The following IGF1R variants were observed in gnomAD, a reference collection of about 807,000 sequenced individuals.
The protein encoded by IGF1R is insulin-like growth factor 1 receptor.
In IGF1R, 44 loss-of-function variants were observed where a neutral mutation model predicts 144.6. The ratio of observed to expected loss-of-function variants is 0.30; its 90% CI spans 0.24 to 0.39. The LOEUF is 0.39. Ranked by LOEUF, IGF1R falls within the 10% of genes least tolerant of loss-of-function variation. The pLI is 1.00. For synonymous variants in IGF1R, 795 were observed against 722.8 expected (o/e 1.10, Z -1.60); for missense variants, 1,355 against 1,833.7 (o/e 0.74, Z 4.77).
intron 1 of IGF1R, among the ~76,000 whole-genome samples, chr15:98,691,865 C>CA (rs1422535064): frequency 6.6e-6 from 1 of 152,174 alleles, no homozygotes; most frequent in Admixed American, 6.5e-5. Context: ...GAAGAGGAGT[C>CA]ACTGTTCAGA....
intron 9 of IGF1R, 58 bp from the exon 10 acceptor site, chr15:98,916,614 C>G: frequency 7.0e-7 from 1 of 1,422,986 alleles, no homozygotes; most frequent in Middle Eastern, 1.7e-4. Flanking sequence ...TTTTTCCTTA[C>G]AAGCATGTAT....
chr15:98,830,374 GC>G (rs1430471908), intron 2 of IGF1R, among the ~76,000 whole-genome samples: 1 of 152,184 alleles, frequency 6.6e-6, no homozygotes, highest in Non-Finnish European at 1.5e-5. Context: ...CACTGGGGAA[GC>G]CTCCCATCGT....
chr15:98,933,676 A>G (rs2016029668), intron 15 of IGF1R, among the ~76,000 whole-genome samples: 1 of 152,190 alleles, frequency 6.6e-6, no homozygotes, highest in Non-Finnish European at 1.5e-5. Flanking sequence ...GAAACTGGAG[A>G]AGAAATCCTA....
chr15:98,661,128 A>G (rs1031618303), intron 1 of IGF1R, among the ~76,000 whole-genome samples: 5 of 152,166 alleles, frequency 3.3e-5, no homozygotes, highest in Non-Finnish European at 7.4e-5. Context: ...AAGCAGAATC[A>G]CCACGTATGG....
chr15:98,772,368 T>C (rs1485849998), intron 2 of IGF1R, among the ~76,000 whole-genome samples: 45 of 151,976 alleles, frequency 3.0e-4, no homozygotes, highest in Admixed American at 2.9e-3. Context: ...TCTCATAGTG[T>C]GGTCGGCTCT....
chr15:98,778,559 C>T (rs886660445), intron 2 of IGF1R, among the ~76,000 whole-genome samples: 7 of 152,242 alleles, frequency 4.6e-5, no homozygotes, highest in Non-Finnish European at 7.3e-5. Context: ...GATAAGAGTA[C>T]GGTCTTTCTC....
At chr15:98,682,069 T>G (rs1289873891) in intron 1 of IGF1R, among the ~76,000 whole-genome samples, 1 of 152,174 alleles carries the variant, frequency 6.6e-6, no homozygotes, top group African/African-American at 2.4e-5. Flanking sequence ...GGGGCAGGAC[T>G]GATGAGTGAA....
chr15:98,915,759 G>A (rs2015217227), intron 8 of IGF1R, among the ~76,000 whole-genome samples: 1 of 152,116 alleles, frequency 6.6e-6, no homozygotes, highest in Non-Finnish European at 1.5e-5. Flanking sequence ...GATTACCGGA[G>A]GAAATAGATT....
chr15:98,690,026 A>G (rs1284410192), intron 1 of IGF1R, among the ~76,000 whole-genome samples: 1 of 152,106 alleles, frequency 6.6e-6, no homozygotes, highest in Non-Finnish European at 1.5e-5. Context: ...GTTTATGATC[A>G]TTTTCATGAT....
At chr15:98,677,934 A>AATTGTT (rs1441733660) in intron 1 of IGF1R, among the ~76,000 whole-genome samples, 3 of 152,164 alleles carry the variant, frequency 2.0e-5, no homozygotes, top group Non-Finnish European at 4.4e-5. Flanking sequence ...GCACATCCAG[A>AATTGTT]ATTGTTACAT....
At chr15:98,801,573 C>T (rs367984227) in intron 2 of IGF1R, among the ~76,000 whole-genome samples, 4 of 152,220 alleles carry the variant, frequency 2.6e-5, no homozygotes, top group East Asian at 1.9e-4. Flanking sequence ...GAGCAAACCC[C>T]AAGCCGACTG....
At position 98,848,578 on chromosome 15, in the gene IGF1R, T is replaced by C. The variant is rs552068286; in HGVS notation, c.641-42747T>C. 5.9e-5 allele frequency among the ~76,000 whole-genome samples: 9 copies of C among 152,360 alleles called. No homozygotes were observed. The East Asian group carries it at 1.7e-3, about 29-fold the overall frequency. On this transcript the variant is annotated intron_variant, in intron 2 of 20. Coordinates refer to ENST00000650285, the MANE Select transcript of IGF1R (RefSeq NM_000875.5). ...GAAGCTTAAGGAACATCATCCTCTG[T>C]TGGGCAGAATTCTTCCATGGCCACC...
intron 2 of IGF1R, among the ~76,000 whole-genome samples, chr15:98,811,046 A>T (rs1418773974): frequency 6.6e-6 from 1 of 151,586 alleles, no homozygotes; most frequent in African/African-American, 2.4e-5. Context: ...CACGCCTGTA[A>T]TCCCAGCACT....
chr15:98,841,151 G>C (rs1449677097), intron 2 of IGF1R, among the ~76,000 whole-genome samples: 1 of 151,944 alleles, frequency 6.6e-6, no homozygotes, highest in African/African-American at 2.4e-5. Context: ...TCTTCTTCAG[G>C]GTACGAAGAA....
At chr15:98,856,032 A>G (rs2056382) in intron 2 of IGF1R, among the ~76,000 whole-genome samples, 147,684 of 152,314 alleles carry the variant, frequency 0.97, 71,767 homozygotes, top group East Asian at 1. Flanking sequence ...TGATTTCCCC[A>G]CAGCCTCGGT....
intron 10 of IGF1R, among the ~76,000 whole-genome samples, chr15:98,917,629 C>G (rs1359392395): frequency 6.6e-6 from 1 of 152,180 alleles, no homozygotes; most frequent in South Asian, 2.1e-4. Flanking sequence ...TCGAACCTTA[C>G]AGTAGAATAT....
intron 20 of IGF1R, among the ~76,000 whole-genome samples, chr15:98,954,743 C>T (rs1046824542): frequency 6.6e-6 from 1 of 152,204 alleles, no homozygotes; most frequent in Non-Finnish European, 1.5e-5. Flanking sequence ...GAATTCACAG[C>T]CCAGGCATTT....
chr15:98,691,139 C>CT, intron 1 of IGF1R, among the ~76,000 whole-genome samples: 3 of 152,178 alleles, frequency 2.0e-5, no homozygotes, highest in East Asian at 3.9e-4. Context: ...AAACTCAAGA[C>CT]TTTTTTTGGA....
intron 19 of IGF1R, among the ~76,000 whole-genome samples, chr15:98,948,089 A>AT (rs1336550440): frequency 6.6e-6 from 1 of 152,162 alleles, no homozygotes; most frequent in East Asian, 1.9e-4. Flanking sequence ...AAATTGTCTG[A>AT]TTGTAAAAAT....
Sources: allele counts gnomAD v4.1 joint callset (sites outside exome capture counted in the v4.1 genomes callset), GRCh38; gene constraint gnomAD v4.1.1; transcripts MANE v1.5; gene names NCBI Gene and HGNC (gene_info 2026-07-23, HGNC 2026-07-21).